The following XRN2 variants were observed in gnomAD, a reference collection of about 807,000 sequenced individuals.
XRN2 encodes DHM1-like protein.
Under a neutral mutation model 138.5 loss-of-function variants are expected in XRN2, and 44 were observed. That is an observed-to-expected ratio of 0.32 (90% CI 0.25 to 0.41). XRN2 has a LOEUF of 0.41. Ranked by LOEUF, XRN2 falls within the 10% of genes least tolerant of loss-of-function variation. XRN2 has a pLI of 1.00. For synonymous variants in XRN2, 354 were observed against 369.4 expected (o/e 0.96, Z 0.48); for missense variants, 937 against 1,169.3 (o/e 0.80, Z 2.90).
At chr20:21,313,839 A>G (rs1249810010) in intron 1 of XRN2, among the ~76,000 whole-genome samples, 1 of 152,218 alleles carries the variant, frequency 6.6e-6, no homozygotes, top group African/African-American at 2.4e-5. Flanking sequence ...CATAAGGTGG[A>G]CATTTATCCT....
At chr20:21,311,338 C>T (rs2037878839) in intron 1 of XRN2, among the ~76,000 whole-genome samples, 2 of 152,180 alleles carry the variant, frequency 1.3e-5, no homozygotes, top group Non-Finnish European at 1.5e-5. Context: ...TAATATTTTT[C>T]CTTTTGTGTC....
chr20:21,326,056 C>G (rs775006405), intron 1 of XRN2, among the ~76,000 whole-genome samples: 7 of 152,216 alleles, frequency 4.6e-5, no homozygotes, highest in Non-Finnish European at 8.8e-5. Context: ...TTCTAAACAT[C>G]TACATTGTCA....
At chr20:21,309,505 G>A (rs375452510) in intron 1 of XRN2, among the ~76,000 whole-genome samples, 3 of 152,158 alleles carry the variant, frequency 2.0e-5, no homozygotes, top group South Asian at 2.1e-4. Flanking sequence ...GCACAAATTC[G>A]TAAACTTTCT....
At chr20:21,328,485 C>T (rs2038159096) in intron 3 of XRN2, 74 bp from the exon 4 acceptor site, 1 of 1,394,528 alleles carries the variant, frequency 7.2e-7, no homozygotes, top group Non-Finnish European at 9.9e-7. Context: ...ATAAGAACAA[C>T]TGATTCAAAA....
chr20:21,354,711 G>A (rs909257745), intron 20 of XRN2, 78 bp from the exon 21 acceptor site: 5 of 1,348,192 alleles, frequency 3.7e-6, no homozygotes, highest in African/African-American at 2.9e-5. Context: ...TACTAGAAAC[G>A]TTCATTTCGA....
At chr20:21,355,559 G>A (rs2038565593) in intron 21 of XRN2, among the ~76,000 whole-genome samples, 1 of 151,908 alleles carries the variant, frequency 6.6e-6, no homozygotes, top group Non-Finnish European at 1.5e-5. Context: ...AGAAAATATT[G>A]CCCTTTATCT....
intron 21 of XRN2, among the ~76,000 whole-genome samples, 153 bp from the exon 22 acceptor site, chr20:21,355,923 TACTC>T (rs1339841443): frequency 6.6e-6 from 1 of 152,224 alleles, no homozygotes; most frequent in South Asian, 2.1e-4. Flanking sequence ...TACTAGAACT[TACTC>T]TTGTCTAACC....
intron 28 of XRN2, among the ~76,000 whole-genome samples, chr20:21,386,279 C>G (rs1802036512): frequency 6.6e-6 from 1 of 152,210 alleles, no homozygotes; most frequent in Non-Finnish European, 1.5e-5. Context: ...GTTGCTAGGT[C>G]ACCGTGGTCA....
At chr20:21,323,491 G>T (rs904189691) in intron 1 of XRN2, among the ~76,000 whole-genome samples, 1 of 152,186 alleles carries the variant, frequency 6.6e-6, no homozygotes, top group Non-Finnish European at 1.5e-5. Flanking sequence ...AACAGGAAAC[G>T]TGTTGGTATA....
At chr20:21,331,303 G>T (rs1568574823) in intron 6 of XRN2, among the ~76,000 whole-genome samples, 1 of 151,694 alleles carries the variant, frequency 6.6e-6, no homozygotes, top group African/African-American at 2.4e-5. Flanking sequence ...TCCATTACAT[G>T]TAGTAAGTCA....
At chr20:21,361,680 A>AT (rs1324393629) in intron 24 of XRN2, among the ~76,000 whole-genome samples, 1 of 152,200 alleles carries the variant, frequency 6.6e-6, no homozygotes, top group Non-Finnish European at 1.5e-5. Context: ...TTTAAATGAC[A>AT]TAGACATGAA....
At chr20:21,366,160 AGT>A (rs2038697963) in intron 26 of XRN2, among the ~76,000 whole-genome samples, 2 of 25,658 alleles carry the variant, frequency 7.8e-5, no homozygotes, top group Non-Finnish European at 1.1e-4. Flanking sequence ...ATATATTTAT[AGT>A]TTATATAATA....
intron 26 of XRN2, among the ~76,000 whole-genome samples, chr20:21,366,163 TTATATAATATATATAAA>T (rs1381484898): frequency 1.9e-5 from 2 of 107,808 alleles, no homozygotes; most frequent in African/African-American, 6.9e-5. Context: ...TATTTATAGT[TTATATAATATATATAAA>T]TATATATTAT....
intron 1 of XRN2, among the ~76,000 whole-genome samples, chr20:21,321,352 G>C (rs2038041977): frequency 9.0e-6 from 1 of 111,566 alleles, no homozygotes; most frequent in South Asian, 2.8e-4. Flanking sequence ...TGTGTGTGTA[G>C]GGTCTCATTT....
intron 1 of XRN2, among the ~76,000 whole-genome samples, chr20:21,315,579 A>G (rs1472479837): frequency 6.6e-6 from 1 of 152,148 alleles, no homozygotes; most frequent in Non-Finnish European, 1.5e-5. Flanking sequence ...TGCAACCTCC[A>G]TCTCCCAGGG....
At chr20:21,354,497 C>T (rs1217679363) in intron 20 of XRN2, among the ~76,000 whole-genome samples, 2 of 152,062 alleles carry the variant, frequency 1.3e-5, no homozygotes, top group African/African-American at 4.8e-5. Context: ...ATCCAGGTAG[C>T]CATTTGTTCA....
At chr20:21,345,548 G>A (rs2038425803) in intron 16 of XRN2, among the ~76,000 whole-genome samples, 1 of 152,112 alleles carries the variant, frequency 6.6e-6, no homozygotes, top group African/African-American at 2.4e-5. Context: ...TGATGTTCTT[G>A]ATCTGTTCTG....
chr20:21,340,654 T>C (rs2038359471), intron 14 of XRN2, 67 bp from the exon 15 acceptor site: 3 of 1,564,190 alleles, frequency 1.9e-6, no homozygotes, highest in Non-Finnish European at 2.6e-6. Context: ...TTGCCCTTCT[T>C]TCCTTTCTGT....
chr20:21,326,005 C>T (rs1357340940), intron 1 of XRN2, among the ~76,000 whole-genome samples: 4 of 152,100 alleles, frequency 2.6e-5, no homozygotes, highest in Non-Finnish European at 5.9e-5. Flanking sequence ...AAGATGACTC[C>T]CATGATTTCT....
Sources: gnomAD v4.1 joint callset for allele counts (sites outside exome capture counted in the v4.1 genomes callset) on GRCh38, gnomAD v4.1.1 for gene constraint, MANE v1.5 for transcripts, NCBI Gene and HGNC (gene_info 2026-07-23, HGNC 2026-07-21) for gene names.